The following RALYL variants were observed in gnomAD, a reference collection of about 807,000 sequenced individuals.
RALYL encodes the protein RNA-binding Raly-like protein.
RALYL carries 29 observed loss-of-function variants against 35.1 expected under a neutral mutation model. The observed-to-expected ratio is 0.83, with a 90% CI of 0.61 to 1.13. The LOEUF (loss-of-function observed/expected upper bound fraction) is 1.13. RALYL is among the 50% of genes most tolerant of loss of function. The pLI, the probability that RALYL is intolerant of heterozygous loss-of-function variation, is 0.00. For missense variants in RALYL, 359 were observed against 360.4 expected, an observed-to-expected ratio of 1.00 and a Z score of 0.03; for synonymous variants, 120 against 127.6, an observed-to-expected ratio of 0.94 and a Z score of 0.40.
chr8:84,196,520 A>C (rs1000028888), intron 1 of RALYL, among the ~76,000 whole-genome samples: 1 of 152,244 alleles, frequency 6.6e-6, no homozygotes, highest in Non-Finnish European at 1.5e-5. Context: ...AACCAATATA[A>C]AATTACTTTT....
intron 4 of RALYL, among the ~76,000 whole-genome samples, chr8:84,833,492 G>T (rs1831326273): frequency 6.6e-6 from 1 of 151,838 alleles, no homozygotes; most frequent in Non-Finnish European, 1.5e-5. Context: ...ACAAAAATTA[G>T]CCAGGTGTAG....
chr8:84,789,102 G>A (rs1208683605), intron 3 of RALYL, among the ~76,000 whole-genome samples: 1 of 152,182 alleles, frequency 6.6e-6, no homozygotes, highest in Non-Finnish European at 1.5e-5. Context: ...TGCAGAGCGT[G>A]GGACATGACA....
intron 2 of RALYL, among the ~76,000 whole-genome samples, chr8:84,670,759 C>T (rs890452329): frequency 3.3e-5 from 5 of 152,162 alleles, no homozygotes; most frequent in Admixed American, 1.3e-4. Flanking sequence ...CCAGGTCCTT[C>T]TGAAGACACA....
intron 1 of RALYL, among the ~76,000 whole-genome samples, chr8:84,471,279 A>G (rs1305204188): frequency 6.6e-6 from 1 of 152,154 alleles, no homozygotes; most frequent in African/African-American, 2.4e-5. Context: ...TTCAAAAAAG[A>G]TAGAAAACAA....
rs2130774867 is a variant in RALYL at position 84,183,509 on chromosome 8, T to G, written c.-939T>G. The stretch of plus-strand genomic sequence containing the variant: ...ACTGCGAGAAAAAAACGCGCTTCAT[T>G]CCTTCTTCCACCGCCATACTGTATT... On this transcript the variant is annotated 5_prime_UTR_variant, in exon 1 of 9. The change creates a new upstream start codon in the 5' untranslated region. Transcript: ENST00000521268. 6.6e-6 allele frequency: 1 copy of G among 152,466 alleles called. No individual in the cohort carries two copies. Among genetic ancestry groups the G allele is most frequent in the East Asian group, 1.9e-4 (1 of 5,184 alleles). The allele number at this position is 152,466 out of a possible 1,614,324, so 9.4% of individuals were successfully genotyped here.
At chr8:84,886,811 T>C (rs950974733) in intron 7 of RALYL, among the ~76,000 whole-genome samples, 3 of 152,150 alleles carry the variant, frequency 2.0e-5, no homozygotes, top group African/African-American at 7.2e-5. Context: ...TGTTGAGCAC[T>C]TATTATTTGC....
At chr8:84,681,485 C>G (rs1017106744) in intron 2 of RALYL, among the ~76,000 whole-genome samples, 1 of 152,066 alleles carries the variant, frequency 6.6e-6, no homozygotes, top group East Asian at 1.9e-4. Flanking sequence ...GCATGGAATG[C>G]CCTTCCATTT....
intron 1 of RALYL, among the ~76,000 whole-genome samples, chr8:84,266,933 C>T (rs1833441592): frequency 7.2e-6 from 1 of 138,910 alleles, no homozygotes; most frequent in Non-Finnish European, 1.5e-5. Context: ...GCACTCCAGC[C>T]TGGGCGACAG....
chr8:84,416,038 T>A (rs2044664971), intron 1 of RALYL, among the ~76,000 whole-genome samples: 1 of 152,222 alleles, frequency 6.6e-6, no homozygotes, highest in South Asian at 2.1e-4. Context: ...CTTGTAGATA[T>A]GTTTGTATCA....
chr8:84,887,848 AAAAT>A, intron 8 of RALYL, 72 bp downstream of exon 8: 2 of 1,336,012 alleles, frequency 1.5e-6, no homozygotes, highest in Admixed American at 4.3e-5. Flanking sequence ...CATTCATTCT[AAAAT>A]AAGGATTAAA....
At chr8:84,335,629 G>T (rs1847631877) in intron 1 of RALYL, among the ~76,000 whole-genome samples, 1 of 147,076 alleles carries the variant, frequency 6.8e-6, no homozygotes, top group African/African-American at 2.5e-5. Context: ...CCCGCAAGAA[G>T]ATCAGAAAAA....
chr8:84,229,465 T>C (rs887447765), intron 1 of RALYL, among the ~76,000 whole-genome samples: 1 of 152,194 alleles, frequency 6.6e-6, no homozygotes, highest in African/African-American at 2.4e-5. Flanking sequence ...GCTACTTGTG[T>C]TTCTTACACT....
intron 2 of RALYL, among the ~76,000 whole-genome samples, chr8:84,530,148 T>C (rs913099780): frequency 1.3e-5 from 2 of 152,110 alleles, no homozygotes; most frequent in Non-Finnish European, 2.9e-5. Context: ...TAATATAGTT[T>C]TTTTCAAAGA....
At chr8:84,730,522 A>G (rs941494127) in intron 2 of RALYL, among the ~76,000 whole-genome samples, 2 of 152,098 alleles carry the variant, frequency 1.3e-5, no homozygotes, top group Non-Finnish European at 2.9e-5. Context: ...ATAGTGTTGG[A>G]AGTTCTGGCC....
intron 2 of RALYL, among the ~76,000 whole-genome samples, chr8:84,660,676 G>T (rs1830734078): frequency 6.6e-6 from 1 of 151,586 alleles, no homozygotes; most frequent in Non-Finnish European, 1.5e-5. Flanking sequence ...GATACCTTTT[G>T]AGGAGGATTC....
At chr8:84,556,739 G>A (rs1043196025) in intron 2 of RALYL, among the ~76,000 whole-genome samples, 3 of 152,202 alleles carry the variant, frequency 2.0e-5, no homozygotes, top group Admixed American at 6.5e-5. Flanking sequence ...ATGTGCTCAC[G>A]TGGTTTGATT....
intron 2 of RALYL, among the ~76,000 whole-genome samples, chr8:84,650,379 A>G (rs1395845286): frequency 6.6e-6 from 1 of 152,150 alleles, no homozygotes. Context: ...TTACAAGAAA[A>G]AAACAAACAA....
At chr8:84,212,304 G>A (rs1819679017) in intron 1 of RALYL, among the ~76,000 whole-genome samples, 1 of 151,892 alleles carries the variant, frequency 6.6e-6, no homozygotes. Context: ...TGGTATTCTA[G>A]CTTTCTCCCT....
intron 1 of RALYL, among the ~76,000 whole-genome samples, chr8:84,225,027 ATAT>A (rs1823507896): frequency 6.6e-6 from 1 of 152,162 alleles, no homozygotes. Flanking sequence ...GGACCCACAG[ATAT>A]TATGGATGAG....
Sources: allele counts gnomAD v4.1 joint callset (sites outside exome capture counted in the v4.1 genomes callset), GRCh38; gene constraint gnomAD v4.1.1; transcripts MANE v1.5; gene names NCBI Gene and HGNC (gene_info 2026-07-23, HGNC 2026-07-21).